The following PLCB1 variants were observed in gnomAD, a reference collection of about 807,000 sequenced individuals.
The protein encoded by PLCB1 is phospholipase C beta 1.
In PLCB1, 46 loss-of-function variants were observed where a neutral mutation model predicts 161.8. That is an observed-to-expected ratio of 0.28 (90% CI 0.22 to 0.36). PLCB1 has a LOEUF of 0.36. Ranked by LOEUF, PLCB1 falls within the 10% of genes least tolerant of loss-of-function variation. PLCB1 has a pLI of 1.00. For synonymous variants in PLCB1, 517 were observed against 503.7 expected, an observed-to-expected ratio of 1.03 and a Z score of -0.35; for missense variants, 1,016 against 1,472.5, an observed-to-expected ratio of 0.69 and a Z score of 5.07.
intron 31 of PLCB1, among the ~76,000 whole-genome samples, chr20:8,876,922 T>C (rs905754641): frequency 6.6e-6 from 1 of 152,094 alleles, no homozygotes; most frequent in African/African-American, 2.4e-5. Context: ...TTTTGACACA[T>C]TCTCCTAGAC....
intron 31 of PLCB1, among the ~76,000 whole-genome samples, chr20:8,825,776 A>G (rs1250785188): frequency 1.3e-5 from 2 of 152,302 alleles, no homozygotes; most frequent in Admixed American, 1.3e-4. Context: ...GTTGCAAAAG[A>G]TTAGCTAGGG....
At chr20:8,821,523 A>T (rs866337197) in intron 31 of PLCB1, among the ~76,000 whole-genome samples, 3 of 36,978 alleles carry the variant, frequency 8.1e-5, no homozygotes, top group African/African-American at 2.5e-4. Flanking sequence ...ATATATATAT[A>T]TATATATATA....
intron 26 of PLCB1, among the ~76,000 whole-genome samples, chr20:8,772,406 T>G (rs1982734256): frequency 6.6e-6 from 1 of 152,344 alleles, no homozygotes; most frequent in East Asian, 1.9e-4. Context: ...CCTGTAATTT[T>G]TGACCTTGGG....
chr20:8,425,858 C>A (rs1979745562), intron 3 of PLCB1, among the ~76,000 whole-genome samples: 1 of 151,212 alleles, frequency 6.6e-6, no homozygotes, highest in Non-Finnish European at 1.5e-5. Context: ...ATCTTCACTA[C>A]ATCCAATTTC....
chr20:8,427,397 G>GGACTTC (rs1979831456), intron 3 of PLCB1, among the ~76,000 whole-genome samples: 1 of 152,140 alleles, frequency 6.6e-6, no homozygotes, highest in Admixed American at 6.5e-5. Flanking sequence ...AATTACAAGT[G>GGACTTC]GACTTCAGTG....
chr20:8,700,604 C>T (rs538733935), intron 11 of PLCB1, among the ~76,000 whole-genome samples: 5 of 152,350 alleles, frequency 3.3e-5, no homozygotes, highest in Non-Finnish European at 7.3e-5. Context: ...ACCCAGAATG[C>T]TGCTTTCTCT....
Position 8,456,200 on chromosome 20 carries a change from C to T in PLCB1, c.246+84750C>T, listed in dbSNP as rs552748650. ...ACCACACTACTATTTTAGCATACAACGACTAAGAAAAATTCTTTAGTATTT... is the reference window on the plus strand; with the variant it reads ...ACCACACTACTATTTTAGCATACAATGACTAAGAAAAATTCTTTAGTATTT... On this transcript the variant is annotated intron_variant, in intron 3 of 31. Transcript: ENST00000338037. 1.8e-4 allele frequency among the ~76,000 whole-genome samples: 27 copies of T among 152,228 alleles called. No homozygotes were observed. In the South Asian group the frequency reaches 4.8e-3, roughly 27 times the overall value.
chr20:8,590,455 T>G (rs1987115263), intron 3 of PLCB1, among the ~76,000 whole-genome samples: 1 of 152,332 alleles, frequency 6.6e-6, no homozygotes, highest in South Asian at 2.1e-4. Flanking sequence ...TTGGTAGTTT[T>G]TTTTTGTTGT....
At chr20:8,607,553 C>A (rs1452836503) in intron 3 of PLCB1, among the ~76,000 whole-genome samples, 1 of 152,182 alleles carries the variant, frequency 6.6e-6, no homozygotes, top group Non-Finnish European at 1.5e-5. Flanking sequence ...AAGGTATCAG[C>A]ACCTCCTGGA....
chr20:8,672,628 G>T (rs1044757693), intron 9 of PLCB1, among the ~76,000 whole-genome samples: 1 of 152,036 alleles, frequency 6.6e-6, no homozygotes, highest in Non-Finnish European at 1.5e-5. Context: ...CCCTTCCAGA[G>T]ACCTTAGCAA....
At chr20:8,337,326 G>A (rs1053036761) in intron 2 of PLCB1, among the ~76,000 whole-genome samples, 5 of 152,210 alleles carry the variant, frequency 3.3e-5, no homozygotes, top group Admixed American at 2.6e-4. Context: ...AACCCAGGCA[G>A]TCTAGCTTCC....
intron 2 of PLCB1, among the ~76,000 whole-genome samples, chr20:8,257,532 AAGCTT>A (rs1485734027): frequency 6.6e-6 from 1 of 152,186 alleles, no homozygotes; most frequent in Admixed American, 6.5e-5. Flanking sequence ...GTTTGAATTT[AAGCTT>A]AGTTATGTGT....
chr20:8,427,618 C>T (rs1327463108), intron 3 of PLCB1, among the ~76,000 whole-genome samples: 1 of 152,128 alleles, frequency 6.6e-6, no homozygotes, highest in Non-Finnish European at 1.5e-5. Context: ...AGAGGAAACC[C>T]TCAAATCCAT....
Position 8,149,981 on chromosome 20 carries a change from A to G in PLCB1, c.100-313A>G, listed in dbSNP as rs187428853. On this transcript the variant is annotated intron_variant, in intron 1 of 31. Transcript: ENST00000338037. ...TTAATATTAATCATAAAAATAAGTA[A>G]TGATGTTTAGTGTTAAAATTATTTG... Among the ~76,000 whole-genome samples the G allele has an allele frequency of 1.9e-3, 291 of 152,222 alleles. 5 individuals are homozygous for G. The highest frequency in any genetic ancestry group is 6.8e-3 in the African/African-American group (282 of 41,584).
intron 3 of PLCB1, among the ~76,000 whole-genome samples, chr20:8,445,203 C>T (rs1980764887): frequency 6.6e-6 from 1 of 152,126 alleles, no homozygotes; most frequent in Non-Finnish European, 1.5e-5. Flanking sequence ...GTCTTTGATC[C>T]ATCTTGAATT....
chr20:8,500,240 C>A (rs1374476963), intron 3 of PLCB1, among the ~76,000 whole-genome samples: 1 of 152,160 alleles, frequency 6.6e-6, no homozygotes, highest in African/African-American at 2.4e-5. Flanking sequence ...GGAGACAGAA[C>A]ATTTTAATAA....
chr20:8,667,948 C>G (rs1255633448), intron 9 of PLCB1, among the ~76,000 whole-genome samples: 3 of 152,066 alleles, frequency 2.0e-5, no homozygotes, highest in African/African-American at 7.2e-5. Context: ...TCAGCAGGGT[C>G]TAGGAGCAGG....
In PLCB1 at chr20:8,628,254, T is replaced by C. The variant is rs761408865; in HGVS notation, c.247-40T>C. The stretch of plus-strand genomic sequence containing the variant: ...GAAGTTATGCTATCACGTTGGAATC[T>C]CTAGTTATAGACTAATTATTTTCAA... On this transcript the variant is annotated intron_variant, in intron 3 of 31. Transcript: ENST00000338037. The C allele has an allele frequency of 8.0e-6, 12 of 1,499,026 alleles. No individual in the cohort carries two copies. In the African/African-American group the frequency reaches 1.7e-4, roughly 21 times the overall value. 92.9% of individuals were successfully genotyped at this position (1,499,026 alleles called of 1,614,324 possible).
chr20:8,320,815 A>AAGGGAGGGAGGGAGAG (rs1249587149), intron 2 of PLCB1, among the ~76,000 whole-genome samples: 3 of 138,094 alleles, frequency 2.2e-5, no homozygotes, highest in Non-Finnish European at 3.1e-5. Flanking sequence ...GAAAGAAAGA[A>AAGGGAGGGAGGGAGAG]AGGGAGGGAG....
Sources: gnomAD v4.1 joint callset for allele counts (sites outside exome capture counted in the v4.1 genomes callset) on GRCh38, gnomAD v4.1.1 for gene constraint, MANE v1.5 for transcripts, NCBI Gene and HGNC (gene_info 2026-07-23, HGNC 2026-07-21) for gene names.